Variants in FRMD1 observed in about 807,000 individuals in gnomAD.
FRMD1 encodes FERM domain containing 1, also known as FERM domain-containing protein 1.
In FRMD1, 51 loss-of-function variants were observed where a neutral mutation model predicts 54.9. The observed-to-expected ratio is 0.93, with a 90% CI of 0.74 to 1.17. FRMD1 has a LOEUF of 1.17. Among genes scored for constraint, FRMD1 ranks in the 50% most tolerant of loss-of-function variants. The probability of loss-of-function intolerance (pLI) is 0.00; values close to 1 mark genes in which losing one functional copy is unlikely to be tolerated. For synonymous variants in FRMD1, 324 were observed against 306.4 expected (o/e 1.06, Z -0.60); for missense variants, 729 against 743.0 (o/e 0.98, Z 0.22).
rs1413404345 is a variant in FRMD1, at chr6:168,057,113, T to C, written c.1634A>G (p.Gln545Arg). 2.0e-6 allele frequency: 3 copies of C among 1,488,422 alleles called. No individual in the cohort carries two copies. Among genetic ancestry groups the C allele is most frequent in the Non-Finnish European group, 2.7e-6 (3 of 1,115,730 alleles). The allele number at this position is 1,488,422 out of a possible 1,614,324, so 92.2% of individuals were successfully genotyped here. Residue 545 changes from glutamine (Q) to arginine (R), a missense_variant, in exon 11 of 11, where the codon CAG becomes CGG. Gln to Arg is a conservative substitution (Grantham distance 43). Coordinates refer to ENST00000283309, the MANE Select transcript of FRMD1 (RefSeq NM_024919.6). ...GGGTGGTGCCTACACCACAAACTCC[T>C]GTGGTGGAGCCTCTCCGAACAGGTC... ...ALDLFGEAPP[Q>R]EFVV
intron 2 of FRMD1, among the ~76,000 whole-genome samples, chr6:168,069,744 G>A (rs568326329): frequency 3.3e-5 from 5 of 152,244 alleles, no homozygotes; most frequent in South Asian, 2.1e-4. Context: ...CGGCAACACC[G>A]ATCTAGAAGA....
intron 1 of FRMD1, chr6:168,075,856 T>A (rs1207823586): frequency 6.9e-7 from 1 of 1,444,748 alleles, no homozygotes; most frequent in Non-Finnish European, 9.3e-7. Flanking sequence ...GCGTCCCGTG[T>A]CCACATTTCC....
Position 168,055,364 on chromosome 6 carries a change from C to T in FRMD1, c.*1733G>A, listed in dbSNP as rs141299724. ...GTGTGCATCTGTGTGCAGATGTGTG[C>T]GTGTGTGCATGTATGTGTGTGCATG... On this transcript the variant is annotated 3_prime_UTR_variant, in exon 11 of 11. Coordinates refer to ENST00000283309, the MANE Select transcript of FRMD1 (RefSeq NM_024919.6). 217 of 152,500 alleles carry T rather than the reference C, an allele frequency of 1.4e-3. 6 individuals are homozygous for T. In the East Asian group the frequency reaches 0.028, roughly 20 times the overall value. 9.4% of individuals were successfully genotyped at this position (152,500 alleles called of 1,614,324 possible).
intron 4 of FRMD1, 63 bp from the exon 5 acceptor site, chr6:168,065,120 C>T (rs1222394292): frequency 2.6e-6 from 4 of 1,525,856 alleles, no homozygotes; most frequent in Admixed American, 1.9e-5. Flanking sequence ...CCCCTCTGGC[C>T]CTGCCTTGTC....
upstream of FRMD1, among the ~76,000 whole-genome samples, chr6:168,083,791 C>A (rs6455478): frequency 4.7e-4 from 72 of 152,346 alleles, no homozygotes; most frequent in South Asian, 1.7e-3. Flanking sequence ...TGTCCCTGGC[C>A]GGGGAAGACA....
chr6:168,084,712 G>A (rs1178871280), upstream of FRMD1, among the ~76,000 whole-genome samples: 2 of 152,242 alleles, frequency 1.3e-5, no homozygotes, highest in East Asian at 3.9e-4. Context: ...TGACAAGTGT[G>A]CGGAATTTTG....
At chr6:168,058,820 C>T (rs1562404508) in intron 10 of FRMD1, among the ~76,000 whole-genome samples, 3 of 152,224 alleles carry the variant, frequency 2.0e-5, no homozygotes, top group Non-Finnish European at 4.4e-5. Context: ...CCCAGGTGTC[C>T]GGGTCCTGCC....
intron 2 of FRMD1, among the ~76,000 whole-genome samples, chr6:168,073,413 C>T (rs1422826107): frequency 6.6e-6 from 1 of 152,200 alleles, no homozygotes; most frequent in Admixed American, 6.5e-5. Flanking sequence ...GGTCTAAATG[C>T]ATGAGGTCAC....
At chr6:168,058,960 C>A (rs368972008) in intron 10 of FRMD1, among the ~76,000 whole-genome samples, 164 bp downstream of exon 10, 2 of 152,162 alleles carry the variant, frequency 1.3e-5, no homozygotes, top group Non-Finnish European at 2.9e-5. Context: ...CCCCAGTGCC[C>A]GAGAGCCTTG....
rs1450450298 is a variant in FRMD1, at chr6:168,053,741, G to A, written c.*3356C>T. 6.6e-6 allele frequency: 1 copy of A among 152,222 alleles called. No individual in the cohort carries two copies. The highest frequency in any genetic ancestry group is 1.5e-5 in the Non-Finnish European group (1 of 68,054). The allele number at this position is 152,222 out of a possible 1,614,324, so 9.4% of individuals were successfully genotyped here. ...CCCGTGGCTCTGGCACATTTCCCCC[G>A]CCTGGGGAACCCAGAGTCCATGGGC... On this transcript the variant is annotated 3_prime_UTR_variant, in exon 11 of 11. Coordinates refer to ENST00000283309, the MANE Select transcript of FRMD1 (RefSeq NM_024919.6).
rs1799410006 is a variant in FRMD1, at chr6:168,056,475, C to T, written c.*622G>A. ...CCTGGCTTGGAAGGGAAAGCACAGC[C>T]ATTGACTGTGGATGGTGGAGGAGGG... On this transcript the variant is annotated 3_prime_UTR_variant, in exon 11 of 11. Transcript: ENST00000283309. 1.3e-5 allele frequency: 2 copies of T among 152,488 alleles called. No individual in the cohort carries two copies. The highest frequency in any genetic ancestry group is 2.1e-4 in the South Asian group (1 of 4,838). The allele number at this position is 152,488 out of a possible 1,614,324, so 9.4% of individuals were successfully genotyped here.
At chr6:168,058,996 C>T in intron 10 of FRMD1, 128 bp downstream of exon 10, 1 of 702,930 alleles carries the variant, frequency 1.4e-6, no homozygotes, top group East Asian at 2.8e-5. Context: ...CCCGCTGCGT[C>T]TCTGGGGATG....
rs756981598 is a variant in FRMD1, at chr6:168,061,901, G to A, written c.951C>T (p.Ser317=). 28 of 1,596,568 alleles carry A rather than the reference G, an allele frequency of 1.8e-5. No individual in the cohort carries two copies. Among genetic ancestry groups the A allele is most frequent in the Non-Finnish European group, 2.4e-5 (28 of 1,172,922 alleles). The part of the protein sequence containing the change: ...LVYYTGCTWR[S]RHLLHLLRAS... Reference sequence around the variant, plus strand: ...CGCGCAGCAGGTGCAGCAGGTGCCTGGACCGCCAGGTGCACCCCGTGTAGT... The same window carrying A: ...CGCGCAGCAGGTGCAGCAGGTGCCTAGACCGCCAGGTGCACCCCGTGTAGT... The change falls in exon 8 of 11, where the codon TCC becomes TCT. Residue 317 remains serine, a synonymous_variant. Transcript: ENST00000283309.
At position 168,079,088 on chromosome 6, in the gene FRMD1, C is replaced by T; in HGVS notation, c.7G>A (p.Val3Met). 8 of 1,601,942 alleles carry T rather than the reference C, an allele frequency of 5.0e-6. No individual in the cohort carries two copies. Among genetic ancestry groups the T allele is most frequent in the Non-Finnish European group, 6.8e-6 (8 of 1,177,762 alleles). The change falls in exon 1 of 11, where the codon GTG becomes ATG. Residue 3 changes from valine to methionine, a missense_variant. Transcript: ENST00000283309. The stretch of plus-strand genomic sequence containing the variant: ...TCTATGCCCCTCCCTCTCGGGGGCA[C>T]CGCCATGCTGTCGTTACTCGGCCCT... The part of the protein sequence containing the change: MA[V>M]PPRGRGIDPA...
rs35610891 is a variant in FRMD1 at position 168,058,235 on chromosome 6, C to CA, written c.1407+888_1407+889insT. 2.1e-4 allele frequency among the ~76,000 whole-genome samples: 28 copies of CA among 136,050 alleles called. 3 individuals are homozygous for CA. Among genetic ancestry groups the CA allele is most frequent in the Non-Finnish European group, 3.3e-4 (21 of 63,160 alleles). 89.3% of individuals were successfully genotyped at this position (136,050 alleles called of 152,430 possible). ...CCCAGCCCTGTTCTCTCTCTCCATC[C>CA]GCCTCCCGTGCCCAGCCCTGTTCTC... On this transcript the variant is annotated intron_variant, in intron 10 of 10. Coordinates refer to ENST00000283309, the MANE Select transcript of FRMD1 (RefSeq NM_024919.6).
chr6:168,069,594 T>C (rs530911953), intron 2 of FRMD1, among the ~76,000 whole-genome samples: 2 of 152,344 alleles, frequency 1.3e-5, no homozygotes, highest in South Asian at 4.1e-4. Context: ...AGGCCTTTTA[T>C]TTGTACATTC....
At chr6:168,075,654 A>G (rs1287750673) in intron 1 of FRMD1, 13 of 1,066,462 alleles carry the variant, frequency 1.2e-5, no homozygotes, top group Non-Finnish European at 1.8e-5. Flanking sequence ...TGCAGCGTCA[A>G]CTCCAGGGCC....
In FRMD1 at chr6:168,075,821, C is replaced by T. The variant is rs1800564013; in HGVS notation, c.214-486G>A. On this transcript the variant is annotated intron_variant, in intron 1 of 10. Transcript: ENST00000283309. ...CTCACGGCAGCCTCTAAACACCCAG[C>T]GTCTGGTGCGTGTCCCTGTTTCCGG... 3.2e-6 allele frequency: 5 copies of T among 1,547,048 alleles called. No individual in the cohort carries two copies. The Admixed American group carries it at 5.9e-5, about 18-fold the overall frequency.
intron 4 of FRMD1, 65 bp downstream of exon 4, chr6:168,066,690 T>A: frequency 1.9e-6 from 3 of 1,543,556 alleles, no homozygotes; most frequent in South Asian, 2.5e-5. Flanking sequence ...TTCAGGGGAC[T>A]TCCACGTCAT....
Sources: allele counts gnomAD v4.1 joint callset (sites outside exome capture counted in the v4.1 genomes callset), GRCh38; gene constraint gnomAD v4.1.1; transcripts MANE v1.5; gene names NCBI Gene and HGNC (gene_info 2026-07-23, HGNC 2026-07-21).